UBAC1: variants seen among roughly 807,000 people sequenced by gnomAD.
UBAC1 encodes the protein ubiquitin-associated domain-containing protein 1.
In UBAC1, 27 loss-of-function variants were observed where a neutral mutation model predicts 45.9. The observed-to-expected ratio is 0.59, with a 90% CI of 0.43 to 0.81. The LOEUF (loss-of-function observed/expected upper bound fraction) is 0.81, where lower values mean the gene tolerates loss of function less well. Among genes scored for constraint, UBAC1 ranks in the 30% least tolerant of loss-of-function variants. The probability of loss-of-function intolerance (pLI) is 0.00; values close to 1 mark genes in which losing one functional copy is unlikely to be tolerated. For synonymous variants in UBAC1, 227 were observed against 215.5 expected, an observed-to-expected ratio of 1.05 and a Z score of -0.47; for missense variants, 529 against 539.2, an observed-to-expected ratio of 0.98 and a Z score of 0.19.
intron 9 of UBAC1, among the ~76,000 whole-genome samples, chr9:135,937,729 G>C (rs1839216612): frequency 6.6e-6 from 1 of 152,238 alleles, no homozygotes; most frequent in African/African-American, 2.4e-5. Flanking sequence ...TAGGGGAGGG[G>C]CACCCCAGGC....
intron 8 of UBAC1, among the ~76,000 whole-genome samples, chr9:135,939,365 G>A (rs546555284): frequency 1.3e-5 from 2 of 152,306 alleles, no homozygotes; most frequent in East Asian, 1.9e-4. Context: ...CCGGCTGCAT[G>A]TGAAAGTAGG....
chr9:135,940,440 C>T (rs1254293109), intron 7 of UBAC1, among the ~76,000 whole-genome samples: 6 of 151,776 alleles, frequency 4.0e-5, no homozygotes, highest in South Asian at 2.1e-4. Flanking sequence ...ATTAGCTGGG[C>T]GTGGTGGCAG....
At chr9:135,937,669 G>C (rs955465458) in intron 9 of UBAC1, among the ~76,000 whole-genome samples, 2 of 152,190 alleles carry the variant, frequency 1.3e-5, no homozygotes, top group Non-Finnish European at 2.9e-5. Flanking sequence ...AAGCAGAGAG[G>C]TAAGCCGCGG....
In UBAC1 at chr9:135,935,756, G is replaced by A. The variant is rs183874627; in HGVS notation, c.1103-2241C>T. On this transcript the variant is annotated intron_variant, in intron 9 of 9. Transcript: ENST00000371756. ...AAAGGAATGCAAGTGGCCAGGCGCA[G>A]TAGCTCAAGCCTGTAATCCCAGCAC... Among the ~76,000 whole-genome samples, 514 of 152,338 alleles carry A rather than the reference G, an allele frequency of 3.4e-3. 3 individuals carry two copies. Among genetic ancestry groups the A allele is most frequent in the African/African-American group, 0.012 (497 of 41,586 alleles).
At chr9:135,944,970 C>T (rs528089267) in intron 7 of UBAC1, 58 bp downstream of exon 7, 31 of 1,515,784 alleles carry the variant, frequency 2.0e-5, no homozygotes, top group African/African-American at 1.7e-4. Context: ...CTTTCCATGG[C>T]GCCACCTCAA....
intron 9 of UBAC1, among the ~76,000 whole-genome samples, chr9:135,934,158 G>A (rs1305871362): frequency 3.3e-5 from 5 of 152,142 alleles, no homozygotes; most frequent in Admixed American, 2.0e-4. Context: ...TGACACACAT[G>A]GACGCACTTC....
chr9:135,961,244 C>A lies in UBAC1; in HGVS notation c.-82G>T. On this transcript the variant is annotated 5_prime_UTR_variant, in exon 1 of 10. Coordinates refer to ENST00000371756, the MANE Select transcript of UBAC1 (RefSeq NM_016172.3). ...AAGGCGGGCGGGGAGGGGGCGGGGCCAGACCGCCCGCGCGCTCCTTCGCTG... is the reference window on the plus strand; with the variant it reads ...AAGGCGGGCGGGGAGGGGGCGGGGCAAGACCGCCCGCGCGCTCCTTCGCTG... 7.9e-7 allele frequency: 1 copy of A among 1,265,100 alleles called. No homozygotes were observed. 78.4% of individuals were successfully genotyped at this position (1,265,100 alleles called of 1,614,324 possible). A position where few individuals can be genotyped will look rare whatever the true frequency, so the allele number is the denominator to read the frequency against.
chr9:135,955,323 G>A lies in UBAC1; in HGVS notation c.231C>T (p.Thr77=), dbSNP rs2131094279. The A allele has an allele frequency of 6.3e-7, 1 of 1,597,078 alleles. No homozygotes were observed. Among genetic ancestry groups the A allele is most frequent in the African/African-American group, 1.4e-5 (1 of 73,960 alleles). The part of the protein sequence containing the change: ...ASERVLSDAR[T]ILEENIQDQD... ...GGTCCTGGATGTTCTCTTCCAGGAT[G>A]GTCCTGGCATCACTCAGCACCCTCT... is the stretch of plus-strand genomic sequence containing the variant. Residue 77 remains threonine (T), a synonymous_variant, in exon 2 of 10, where the codon ACC becomes ACT. Transcript: ENST00000371756.
In UBAC1 at chr9:135,933,137, C is replaced by G. The variant is rs1439487458; in HGVS notation, c.*263G>C. 1.1e-5 allele frequency: 5 copies of G among 441,762 alleles called. No individual in the cohort carries two copies. The highest frequency in any genetic ancestry group is 6.0e-5 in the African/African-American group (3 of 50,202). The allele number at this position is 441,762 out of a possible 1,614,324, so 27.4% of individuals were successfully genotyped here. A position where few individuals can be genotyped will look rare whatever the true frequency, so the allele number is the denominator to read the frequency against. On this transcript the variant is annotated 3_prime_UTR_variant, in exon 10 of 10. Transcript: ENST00000371756. ...AGCAACTCAAGAGCCCAGAGGAGCA[C>G]TGGAGACGAGGCCATCACTCCACTT...
At chr9:135,957,371 G>T in intron 1 of UBAC1, among the ~76,000 whole-genome samples, 2 of 152,084 alleles carry the variant, frequency 1.3e-5, no homozygotes, top group Non-Finnish European at 2.9e-5. Context: ...AAGTTTGCAG[G>T]CTAGTTCATT....
rs972052064 is a variant in UBAC1, at chr9:135,957,877, C to T, written c.139-2462G>A. Among the ~76,000 whole-genome samples the T allele has an allele frequency of 3.3e-5, 5 of 149,944 alleles. No individual in the cohort carries two copies. In the South Asian group the frequency reaches 8.5e-4, roughly 25 times the overall value. On this transcript the variant is annotated intron_variant, in intron 1 of 9. Transcript: ENST00000371756. ...GCAACCTCCGCTTCCCAGGTTCAAGCGATTCTTGTGCCTCAGCCTCCTGAG... is the reference window on the plus strand; with the variant it reads ...GCAACCTCCGCTTCCCAGGTTCAAGTGATTCTTGTGCCTCAGCCTCCTGAG...
intron 3 of UBAC1, among the ~76,000 whole-genome samples, chr9:135,951,627 G>T (rs1472692754): frequency 6.6e-6 from 1 of 152,094 alleles, no homozygotes; most frequent in Admixed American, 6.5e-5. Flanking sequence ...TGGCCAACAT[G>T]GTGAAACCCC....
intron 7 of UBAC1, among the ~76,000 whole-genome samples, chr9:135,942,896 G>A (rs1839286769): frequency 6.6e-6 from 1 of 152,104 alleles, no homozygotes; most frequent in South Asian, 2.1e-4. Context: ...GAAAAGATGA[G>A]AAAATAGACT....
At chr9:135,941,155 C>T (rs914691837) in intron 7 of UBAC1, among the ~76,000 whole-genome samples, 2 of 152,202 alleles carry the variant, frequency 1.3e-5, no homozygotes, top group Non-Finnish European at 2.9e-5. Flanking sequence ...CCTGTAATCC[C>T]AGCACTTTGG....
chr9:135,936,409 CTTAAA>C (rs1214439083), intron 9 of UBAC1, among the ~76,000 whole-genome samples: 2 of 151,390 alleles, frequency 1.3e-5, no homozygotes, highest in East Asian at 1.9e-4. Context: ...AGATTATGGA[CTTAAA>C]TTAAGAGAAA....
chr9:135,945,525 G>A (rs981178487), intron 6 of UBAC1: 1 of 510,382 alleles, frequency 2.0e-6, no homozygotes, highest in African/African-American at 1.9e-5. Context: ...AGGGACCACA[G>A]GGGGAACTGC....
At chr9:135,953,257 G>A (rs574511388) in intron 3 of UBAC1, among the ~76,000 whole-genome samples, 94 of 152,226 alleles carry the variant, frequency 6.2e-4, no homozygotes, top group African/African-American at 2.0e-3. Context: ...TGGCGAATGC[G>A]TGGGTTGGTG....
intron 1 of UBAC1, 142 bp downstream of exon 1, chr9:135,960,883 C>T: frequency 1.5e-6 from 1 of 685,364 alleles, no homozygotes; most frequent in Non-Finnish European, 2.2e-6. Flanking sequence ...GAGGCGCTGC[C>T]TCCACCCCCG....
At position 135,952,204 on chromosome 9, in the gene UBAC1, A is replaced by G. The variant is rs547940451; in HGVS notation, c.333+1476T>C. Among the ~76,000 whole-genome samples the G allele has an allele frequency of 2.0e-5, 3 of 152,382 alleles. No homozygotes were observed. In the East Asian group the frequency reaches 5.8e-4, roughly 29 times the overall value. On this transcript the variant is annotated intron_variant, in intron 3 of 9. Coordinates refer to ENST00000371756, the MANE Select transcript of UBAC1 (RefSeq NM_016172.3). ...GAAGATAAGGAGGGGACCCAAGCCC[A>G]GGGTGCTCTTCCTGGGTACCCATGG...
Sources: gnomAD v4.1 joint callset for allele counts (sites outside exome capture counted in the v4.1 genomes callset) on GRCh38, gnomAD v4.1.1 for gene constraint, MANE v1.5 for transcripts, NCBI Gene and HGNC (gene_info 2026-07-23, HGNC 2026-07-21) for gene names.